DAB1: variants seen among roughly 807,000 people sequenced by gnomAD.
DAB1 encodes disabled homolog 1.
A neutral mutation model predicts 64.6 loss-of-function variants in DAB1; 15 were observed. The observed-to-expected ratio is 0.23, with a 90% CI of 0.16 to 0.36. DAB1 has a LOEUF of 0.36. Among genes scored for constraint, DAB1 ranks in the 10% least tolerant of loss-of-function variants. The pLI, the probability that DAB1 is intolerant of heterozygous loss-of-function variation, is 1.00. For missense variants in DAB1, 596 were observed against 706.7 expected (o/e 0.84, Z 1.78); for synonymous variants, 235 against 251.9 (o/e 0.93, Z 0.64).
At chr1:57,528,014 G>C (rs190654711) in intron 7 of DAB1, among the ~76,000 whole-genome samples, 183 of 152,038 alleles carry the variant, frequency 1.2e-3, no homozygotes, top group African/African-American at 4.2e-3. Context: ...AAAGAAAATT[G>C]GCTTACAGAT....
intron 4 of DAB1, among the ~76,000 whole-genome samples, chr1:58,302,237 C>T (rs1662188968): frequency 6.6e-6 from 1 of 152,158 alleles, no homozygotes. Flanking sequence ...GAAATGAACA[C>T]ATTCTCAGTA....
At chr1:57,775,630 TA>T (rs560326055) in intron 6 of DAB1, among the ~76,000 whole-genome samples, 17 of 151,694 alleles carry the variant, frequency 1.1e-4, no homozygotes, top group Admixed American at 2.0e-4. Context: ...GCATAAGTTC[TA>T]TTTTGGTGAA....
intron 7 of DAB1, among the ~76,000 whole-genome samples, chr1:57,590,632 C>G (rs1645434062): frequency 6.6e-6 from 1 of 151,702 alleles, no homozygotes; most frequent in South Asian, 2.1e-4. Flanking sequence ...TGCCTAGCCC[C>G]TTAATTATTT....
chr1:58,028,991 A>G (rs1211282502), intron 5 of DAB1, among the ~76,000 whole-genome samples: 1 of 152,224 alleles, frequency 6.6e-6, no homozygotes, highest in African/African-American at 2.4e-5. Context: ...CCTCACAGAA[A>G]GATGGTGAGG....
chr1:58,042,887 A>G (rs1647158830), intron 5 of DAB1, among the ~76,000 whole-genome samples: 1 of 152,214 alleles, frequency 6.6e-6, no homozygotes, highest in Non-Finnish European at 1.5e-5. Context: ...TGCATTTCAA[A>G]ATGAGCCGTC....
chr1:57,435,329 G>A (rs958212727), intron 7 of DAB1, among the ~76,000 whole-genome samples: 7 of 151,998 alleles, frequency 4.6e-5, no homozygotes, highest in African/African-American at 7.2e-5. Context: ...GATTACAGGC[G>A]TGAGCCACCT....
intron 4 of DAB1, among the ~76,000 whole-genome samples, chr1:58,170,268 G>T (rs760311521): frequency 6.6e-6 from 1 of 152,112 alleles, no homozygotes; most frequent in South Asian, 2.1e-4. Flanking sequence ...TTAGGAAAAA[G>T]CCCAAGAATT....
intron 5 of DAB1, among the ~76,000 whole-genome samples, chr1:58,041,269 G>A (rs1041063821): frequency 1.3e-5 from 2 of 152,152 alleles, no homozygotes; most frequent in African/African-American, 4.8e-5. Context: ...ATATTGCAAC[G>A]ATTGGCTTAC....
At chr1:58,406,096 T>A (rs1322455162) in intron 3 of DAB1, among the ~76,000 whole-genome samples, 1 of 152,148 alleles carries the variant, frequency 6.6e-6, no homozygotes, top group Non-Finnish European at 1.5e-5. Context: ...AGAATTATAT[T>A]TCCTTGTGCA....
intron 6 of DAB1, among the ~76,000 whole-genome samples, chr1:57,757,189 A>T (rs1295324639): frequency 2.1e-5 from 2 of 95,876 alleles, no homozygotes; most frequent in Admixed American, 1.2e-4. Flanking sequence ...CTGCTGGCCC[A>T]GGGGCAGAAT....
chr1:57,003,771 A>G (rs916324384), intron 14 of DAB1, among the ~76,000 whole-genome samples: 2 of 152,156 alleles, frequency 1.3e-5, no homozygotes, highest in South Asian at 2.1e-4. Flanking sequence ...TTTTAAATCA[A>G]TTTCAGTGAG....
At chr1:57,401,609 T>C (rs959023383) in intron 1 of DAB1, among the ~76,000 whole-genome samples, 1 of 152,160 alleles carries the variant, frequency 6.6e-6, no homozygotes, top group Non-Finnish European at 1.5e-5. Context: ...AGCATCACAG[T>C]ATGCATAAAA....
At chr1:58,483,210 T>G (rs1349969185) in intron 3 of DAB1, among the ~76,000 whole-genome samples, 1 of 152,138 alleles carries the variant, frequency 6.6e-6, no homozygotes, top group Non-Finnish European at 1.5e-5. Flanking sequence ...AAGGGCCTTG[T>G]GTGAATGTGT....
chr1:57,261,669 T>A (rs1051340379), intron 2 of DAB1, among the ~76,000 whole-genome samples: 5 of 152,186 alleles, frequency 3.3e-5, no homozygotes, highest in Non-Finnish European at 7.3e-5. Context: ...TAGTAAGCAC[T>A]CAGCACATCT....
chr1:57,652,012 C>T (rs1378895590), intron 6 of DAB1, among the ~76,000 whole-genome samples: 2 of 152,062 alleles, frequency 1.3e-5, no homozygotes, highest in Admixed American at 1.3e-4. Flanking sequence ...ATGATAATAG[C>T]CTTCCCAAAA....
intron 1 of DAB1, among the ~76,000 whole-genome samples, chr1:58,540,489 AC>A (rs1646589251): frequency 6.6e-6 from 1 of 151,890 alleles, no homozygotes; most frequent in Non-Finnish European, 1.5e-5. Context: ...ACTATACTGC[AC>A]ATGTTTAAGA....
chr1:58,433,614 T>A (rs1396110472), intron 3 of DAB1, among the ~76,000 whole-genome samples: 10 of 147,234 alleles, frequency 6.8e-5, no homozygotes, highest in Non-Finnish European at 1.5e-4. Flanking sequence ...TGTGTGTGTG[T>A]GTGTGTTTGT....
intron 7 of DAB1, among the ~76,000 whole-genome samples, chr1:57,612,191 G>C (rs1018126259): frequency 3.7e-5 from 5 of 136,952 alleles, no homozygotes; most frequent in African/African-American, 1.4e-4. Flanking sequence ...TGTTTGGCAT[G>C]ATCTTGTGTG....
intron 5 of DAB1, among the ~76,000 whole-genome samples, chr1:57,956,016 C>T (rs1645384400): frequency 6.6e-6 from 1 of 152,102 alleles, no homozygotes; most frequent in South Asian, 2.1e-4. Context: ...CAGAAACTCA[C>T]CTTCCTAGTG....
Sources: allele counts gnomAD v4.1 joint callset (sites outside exome capture counted in the v4.1 genomes callset), GRCh38; gene constraint gnomAD v4.1.1; transcripts MANE v1.5; gene names NCBI Gene and HGNC (gene_info 2026-07-23, HGNC 2026-07-21).